The following DMD variants were observed in gnomAD, a reference collection of about 807,000 sequenced individuals.
The protein encoded by DMD is dystrophin, also known as mutant dystrophin.
Under a neutral mutation model 330.1 loss-of-function variants are expected in DMD, and 63 were observed. The ratio of observed to expected loss-of-function variants is 0.19; its 90% CI spans 0.16 to 0.24. The LOEUF (loss-of-function observed/expected upper bound fraction) is 0.24. Ranked by LOEUF, DMD falls within the 10% of genes least tolerant of loss-of-function variation. DMD has a pLI of 1.00. For synonymous variants in DMD, 1,223 were observed against 959.8 expected, an observed-to-expected ratio of 1.27 and a Z score of -5.07; for missense variants, 3,344 against 2,684.1, an observed-to-expected ratio of 1.25 and a Z score of -5.43.
At chrX:32,537,740 T>C (rs957919867) in intron 17 of DMD, among the ~76,000 whole-genome samples, 2 of 112,190 alleles carry the variant, frequency 1.8e-5, no homozygotes, top group Admixed American at 1.9e-4. Context: ...CACTCAACTA[T>C]GCTTCTCCTT....
chrX:31,278,592 G>A (rs2052369759), intron 62 of DMD, among the ~76,000 whole-genome samples: 1 of 112,029 alleles, frequency 8.9e-6, no homozygotes, highest in African/African-American at 3.2e-5. Context: ...TCACATTGCA[G>A]GAGGAAAAAC....
intron 51 of DMD, among the ~76,000 whole-genome samples, chrX:31,773,724 C>CTTTTTTTTTTTT (rs762551529): frequency 3.7e-5 from 2 of 53,557 alleles, no homozygotes; most frequent in Non-Finnish European, 3.4e-5. Context: ...AAGGTTTCTG[C>CTTTTTTTTTTTT]TTTTTTTTTT....
chrX:31,516,729 T>G (rs1017507142), intron 55 of DMD, among the ~76,000 whole-genome samples: 1 of 111,917 alleles, frequency 8.9e-6, no homozygotes, highest in Non-Finnish European at 1.9e-5. Context: ...TTGTCTTTGC[T>G]TTCATATCTC....
intron 9 of DMD, among the ~76,000 whole-genome samples, chrX:32,653,339 G>A (rs1287299960): frequency 8.9e-6 from 1 of 111,922 alleles, no homozygotes; most frequent in Admixed American, 9.5e-5. Flanking sequence ...TTTGTATAAT[G>A]TGTAAGGAAG....
chrX:32,327,574 G>A (rs781640378), intron 41 of DMD, among the ~76,000 whole-genome samples: 6 of 111,182 alleles, frequency 5.4e-5, no homozygotes, highest in Non-Finnish European at 1.1e-4. Flanking sequence ...CAAAGATTAC[G>A]CTCAATTCTT....
At chrX:31,715,460 G>A (rs1250400084) in intron 52 of DMD, among the ~76,000 whole-genome samples, 2 of 101,226 alleles carry the variant, frequency 2.0e-5, no homozygotes, top group African/African-American at 7.3e-5. Flanking sequence ...GGAGAATGGC[G>A]TGAACCCGGG....
intron 21 of DMD, among the ~76,000 whole-genome samples, chrX:32,481,350 T>G (rs781552578): frequency 5.4e-5 from 6 of 111,744 alleles, no homozygotes; most frequent in Non-Finnish European, 1.1e-4. Flanking sequence ...CAAGTCTTCC[T>G]GCTTCTCCTC....
In DMD at chrX:32,806,330, A is replaced by G. The variant is rs182758347; in HGVS notation, c.649+3163T>C. Among the ~76,000 whole-genome samples, 40 of 110,995 alleles carry G rather than the reference A, an allele frequency of 3.6e-4. No homozygotes were observed. The East Asian group carries it at 0.01, about 28-fold the overall frequency. On this transcript the variant is annotated intron_variant, in intron 7 of 78. Coordinates refer to ENST00000357033, the MANE Select transcript of DMD (RefSeq NM_004006.3). Reference sequence around the variant, plus strand: ...TAGACTTTAAACTAACAAAGATTTAAAAAAAACAAAAAAAGACAAAGAAGG... The same window carrying G: ...TAGACTTTAAACTAACAAAGATTTAGAAAAAACAAAAAAAGACAAAGAAGG...
At chrX:31,510,653 G>A (rs929598802) in intron 55 of DMD, among the ~76,000 whole-genome samples, 23 of 108,641 alleles carry the variant, frequency 2.1e-4, no homozygotes, top group Non-Finnish European at 4.0e-4. Context: ...GACTATAGGC[G>A]CCCGCCACCA....
intron 44 of DMD, among the ~76,000 whole-genome samples, chrX:32,207,853 T>C (rs12009283): frequency 0.021 from 2,324 of 111,970 alleles, 56 homozygotes; most frequent in African/African-American, 0.07. Context: ...TACTAGTATT[T>C]AAAAGTACAC....
intron 48 of DMD, among the ~76,000 whole-genome samples, chrX:31,866,422 T>G (rs1221864585): frequency 8.9e-6 from 1 of 111,807 alleles, no homozygotes; most frequent in East Asian, 2.8e-4. Flanking sequence ...CCACTAGGTA[T>G]CTCCTCAGTC....
intron 43 of DMD, among the ~76,000 whole-genome samples, chrX:32,267,238 G>C (rs903793778): frequency 1.8e-5 from 2 of 112,051 alleles, no homozygotes; most frequent in Admixed American, 1.9e-4. Flanking sequence ...CCTTGTTCAT[G>C]TCTCTCTTAA....
rs1569548724 is a variant in DMD at position 33,008,884 on chromosome X, A to ATATACACATATATG, written c.93+11254_93+11255insCATATATGTGTATA. On this transcript the variant is annotated intron_variant, in intron 2 of 78. Transcript: ENST00000357033. ...TATATACACATACTCATATATGTAT[A>ATATACACATATATG]TATACGTGTATATATACACATACTC... Among the ~76,000 whole-genome samples, 42 of 47,377 alleles carry ATATACACATATATG rather than the reference A, an allele frequency of 8.9e-4. 3 individuals are homozygous for ATATACACATATATG. Among genetic ancestry groups the ATATACACATATATG allele is most frequent in the African/African-American group, 2.4e-3 (39 of 16,377 alleles). The allele number at this position is 47,377 out of a possible 115,157, so 41.1% of individuals were successfully genotyped here.
At chrX:33,043,434 A>C (rs1051066907) in intron 1 of DMD, among the ~76,000 whole-genome samples, 5 of 111,604 alleles carry the variant, frequency 4.5e-5, no homozygotes, top group Non-Finnish European at 7.5e-5. Flanking sequence ...TGAAGTGCTC[A>C]GTATTTCCAG....
intron 11 of DMD, among the ~76,000 whole-genome samples, chrX:32,634,776 C>A (rs756855125): frequency 9.0e-6 from 1 of 111,703 alleles, no homozygotes; most frequent in African/African-American, 3.3e-5. Context: ...AGGAGTCTTT[C>A]CTGGAGCTGT....
chrX:33,104,589 C>G (rs748403959), intron 1 of DMD, among the ~76,000 whole-genome samples: 31 of 109,615 alleles, frequency 2.8e-4, no homozygotes, highest in African/African-American at 1.0e-3. Flanking sequence ...ACGGCCCCAC[C>G]CCTATCTCCC....
chrX:32,652,881 G>A (rs1265331300), intron 9 of DMD, among the ~76,000 whole-genome samples: 1 of 111,990 alleles, frequency 8.9e-6, no homozygotes, highest in East Asian at 2.8e-4. Flanking sequence ...GTATCTCATT[G>A]TGGTTTTGAT....
intron 45 of DMD, among the ~76,000 whole-genome samples, chrX:31,953,817 A>T (rs373068061): frequency 2.9e-4 from 32 of 112,049 alleles, no homozygotes; most frequent in African/African-American, 9.7e-4. Flanking sequence ...GGTGCAAGAG[A>T]AAAAAGAACA....
At position 32,488,485 on chromosome X, in the gene DMD, G is replaced by T. The variant is rs73451791; in HGVS notation, c.2622+2792C>A. 9.6e-3 allele frequency among the ~76,000 whole-genome samples: 1,072 copies of T among 111,491 alleles called. 18 individuals carry two copies. The highest frequency in any genetic ancestry group is 0.032 in the African/African-American group (994 of 30,722). On this transcript the variant is annotated intron_variant, in intron 20 of 78. Transcript: ENST00000357033. The stretch of plus-strand genomic sequence containing the variant: ...AATAAAATAAAACGCTGAGAAACAT[G>T]TTATAATTTATTTACCTATCACTAA...
Sources: allele counts gnomAD v4.1 joint callset (sites outside exome capture counted in the v4.1 genomes callset), GRCh38; gene constraint gnomAD v4.1.1; transcripts MANE v1.5; gene names NCBI Gene and HGNC (gene_info 2026-07-23, HGNC 2026-07-21).